Variants in ZMYM1 observed in about 807,000 individuals in gnomAD.
ZMYM1 encodes zinc finger MYM-type containing 1, also known as zinc finger MYM-type protein 1.
ZMYM1 carries 39 observed loss-of-function variants against 60.0 expected under a neutral mutation model. The observed-to-expected ratio is 0.65, with a 90% CI of 0.50 to 0.85. ZMYM1 has a LOEUF of 0.85. Ranked by LOEUF, ZMYM1 falls within the 40% of genes least tolerant of loss-of-function variation. ZMYM1 has a pLI of 0.00. For missense variants in ZMYM1, 1,171 were observed against 1,309.5 expected (o/e 0.89, Z 1.63); for synonymous variants, 413 against 454.0 (o/e 0.91, Z 1.15).
intron 1 of ZMYM1, among the ~76,000 whole-genome samples, chr1:35,073,338 A>AAAGAAAGAAAGGAAGG (rs759958889): frequency 8.6e-5 from 10 of 115,678 alleles, no homozygotes; most frequent in African/African-American, 3.5e-4. Flanking sequence ...AGAAAGAAAG[A>AAAGAAAGAAAGGAAGG]AAGGAAGGAA....
chr1:35,092,686 G>A (rs1643096593), intron 1 of ZMYM1, among the ~76,000 whole-genome samples: 1 of 151,442 alleles, frequency 6.6e-6, no homozygotes, highest in African/African-American at 2.4e-5. Context: ...GGAGTGCAAT[G>A]GCGCGATCTT....
intron 6 of ZMYM1, among the ~76,000 whole-genome samples, chr1:35,108,224 A>G (rs1643959084): frequency 6.6e-6 from 1 of 152,244 alleles, no homozygotes; most frequent in Non-Finnish European, 1.5e-5. Context: ...CTAATAAAGG[A>G]TAAAAATAGA....
chr1:35,105,869 G>A (rs1449450024), intron 6 of ZMYM1, among the ~76,000 whole-genome samples: 4 of 152,070 alleles, frequency 2.6e-5, no homozygotes, highest in African/African-American at 9.7e-5. Context: ...GGTCTCCTAA[G>A]GTGCTGGGAT....
At chr1:35,111,726 T>C in intron 7 of ZMYM1, 46 bp from the exon 8 acceptor site, 7 of 1,514,708 alleles carry the variant, frequency 4.6e-6, no homozygotes, top group Non-Finnish European at 6.2e-6. Context: ...TACTTTCTGA[T>C]GATTGATTTT....
intron 3 of ZMYM1, 143 bp from the exon 4 acceptor site, chr1:35,097,174 C>T (rs1384360181): frequency 7.8e-6 from 7 of 901,600 alleles, no homozygotes; most frequent in South Asian, 1.7e-5. Flanking sequence ...GAGCCATGAT[C>T]GTATCACTAC....
At chr1:35,091,149 G>A (rs188694354) in intron 1 of ZMYM1, among the ~76,000 whole-genome samples, 2 of 152,266 alleles carry the variant, frequency 1.3e-5, no homozygotes, top group Admixed American at 1.3e-4. Flanking sequence ...TGAGGCAAGA[G>A]GATTGCTTGA....
Position 35,113,022 on chromosome 1 carries a change from A to G in ZMYM1, c.1192A>G (p.Ser398Gly), listed in dbSNP as rs192853494. ...TGAACCCAGTAATGCTGTTGCTAGT[A>G]GTAGTACGGAACAGCCAAGCGTTTC... ...PSEPSNAVAS[S>G]STEQPSVSPS... Residue 398 changes from serine to glycine, a missense_variant, in exon 10 of 10, where the codon AGT becomes GGT. Physicochemically the swap from Ser to Gly is moderately conservative, Grantham distance 56 (BLOSUM62 0). Coordinates refer to ENST00000359858, the MANE Select transcript of ZMYM1 (RefSeq NM_024772.5). 2 of 1,611,092 alleles carry G rather than the reference A, an allele frequency of 1.2e-6. No homozygotes were observed. The highest frequency in any genetic ancestry group is 1.7e-5 in the Admixed American group (1 of 59,404).
intron 1 of ZMYM1, among the ~76,000 whole-genome samples, chr1:35,080,311 CTTCTTTTTT>C (rs1642311907): frequency 6.9e-6 from 1 of 145,928 alleles, no homozygotes; most frequent in African/African-American, 2.6e-5. Context: ...TATATTTGTG[CTTCTTTTTT>C]TTTTTTTTTT....
At position 35,097,892 on chromosome 1, in the gene ZMYM1, G is replaced by A. The variant is rs1643423562; in HGVS notation, c.419+326G>A. Among the ~76,000 whole-genome samples the A allele has an allele frequency of 3.3e-5, 5 of 152,160 alleles. No homozygotes were observed. In the South Asian group the frequency reaches 8.3e-4, roughly 25 times the overall value. Reference sequence around the variant, plus strand: ...TTGAACTCCTGACCTCAGGTGATCCGCTTGCCTTGGCCTCCCAAAGTGCTG... The same window carrying A: ...TTGAACTCCTGACCTCAGGTGATCCACTTGCCTTGGCCTCCCAAAGTGCTG... On this transcript the variant is annotated intron_variant, in intron 4 of 9. Transcript: ENST00000359858.
intron 7 of ZMYM1, among the ~76,000 whole-genome samples, chr1:35,110,873 G>GCC (rs897437640): frequency 6.6e-6 from 1 of 152,162 alleles, no homozygotes; most frequent in Non-Finnish European, 1.5e-5. Context: ...GGTGGAGGTT[G>GCC]CAGTGAGCCG....
At chr1:35,096,268 C>T (rs1456210977) in intron 3 of ZMYM1, among the ~76,000 whole-genome samples, 1 of 150,084 alleles carries the variant, frequency 6.7e-6, no homozygotes, top group Non-Finnish European at 1.5e-5. Flanking sequence ...GCCAAGATTG[C>T]ACCACTGCAC....
In ZMYM1 at chr1:35,113,750, C is replaced by T. The variant is rs199533686; in HGVS notation, c.1920C>T (p.Ser640=). The T allele has an allele frequency of 5.6e-5, 90 of 1,613,822 alleles. No homozygotes were observed. In the East Asian group the frequency reaches 1.0e-3, roughly 19 times the overall value. The change falls in exon 10 of 10, where the codon TCC becomes TCT. Residue 640 remains serine, a synonymous_variant. Transcript: ENST00000359858. ...LQDIVNEIND[S]SAFSIICDET... ...ATATTGTGAATGAGATCAATGACTC[C>T]TCAGCATTTTCAATCATATGTGATG...
At position 35,110,300 on chromosome 1, in the gene ZMYM1, G is replaced by T; in HGVS notation, c.814G>T (p.Ala272Ser). Residue 272 changes from alanine (A) to serine (S), a missense_variant, in exon 7 of 10, where the codon GCC becomes TCC. Ala to Ser is a moderately conservative substitution (Grantham distance 99, BLOSUM62 1). Transcript: ENST00000359858. The part of the protein sequence containing the change: ...KSITAYKQKP[A>S]KPLISVPCKP... ...TATTTTAATCTCTAAACAGAAACCT[G>T]CCAAACCACTTATATCTGTTCCTTG... 1 of 1,516,010 alleles carries T rather than the reference G, an allele frequency of 6.6e-7. No homozygotes were observed. Among genetic ancestry groups the T allele is most frequent in the Non-Finnish European group, 8.8e-7 (1 of 1,138,032 alleles). The allele number at this position is 1,516,010 out of a possible 1,614,324, so 93.9% of individuals were successfully genotyped here. A position where few individuals can be genotyped will look rare whatever the true frequency, so the allele number is the denominator to read the frequency against.
chr1:35,087,062 C>T (rs1642697724), intron 1 of ZMYM1, among the ~76,000 whole-genome samples: 3 of 144,174 alleles, frequency 2.1e-5, no homozygotes, highest in South Asian at 4.5e-4. Flanking sequence ...GCACGATCTC[C>T]ACTCACAGCA....
In ZMYM1 at chr1:35,115,371, C is replaced by G. The variant is rs1644234294; in HGVS notation, c.*112C>G. ...GAACGATAAACAGTGAAGTCTCCTT[C>G]CCTCCTTTAGAACTCATTTTCTCTT... is the stretch of plus-strand genomic sequence containing the variant. On this transcript the variant is annotated 3_prime_UTR_variant, in exon 10 of 10. Transcript: ENST00000359858. 1 of 1,258,024 alleles carries G rather than the reference C, an allele frequency of 7.9e-7. No homozygotes were observed. Among genetic ancestry groups the G allele is most frequent in the Non-Finnish European group, 1.1e-6 (1 of 939,148 alleles). The allele number at this position is 1,258,024 out of a possible 1,614,324, so 77.9% of individuals were successfully genotyped here.
In ZMYM1 at chr1:35,114,345, A is replaced by G; in HGVS notation, c.2515A>G (p.Asn839Asp). The G allele has an allele frequency of 6.2e-7, 1 of 1,612,138 alleles. No individual in the cohort carries two copies. The highest frequency in any genetic ancestry group is 1.7e-5 in the Admixed American group (1 of 59,710). The change falls in exon 10 of 10, where the codon AAT (asparagine) becomes GAT (aspartate). Residue 839 changes from asparagine to aspartate, a missense_variant. Asn to Asp is a conservative substitution (Grantham distance 23). Transcript: ENST00000359858. ...GGAAGTTATAGCAAGCCATTCTTCA[A>G]ATACAAGTTTCGCCGATGAATTGAG... is the stretch of plus-strand genomic sequence containing the variant. ...TLEVIASHSS[N>D]TSFADELSHL...
At chr1:35,108,699 ATTTTTTTT>A (rs771920421) in intron 6 of ZMYM1, among the ~76,000 whole-genome samples, 2 of 106,782 alleles carry the variant, frequency 1.9e-5, no homozygotes, top group East Asian at 2.9e-4. Context: ...TCCATCGGTG[ATTTTTTTT>A]TTTTTTTTTT....
Position 35,114,609 on chromosome 1 carries a change from G to A in ZMYM1, c.2779G>A (p.Gly927Ser). 1.2e-6 allele frequency: 2 copies of A among 1,609,326 alleles called. No individual in the cohort carries two copies. Among genetic ancestry groups the A allele is most frequent in the African/African-American group, 1.3e-5 (1 of 74,822 alleles). The change falls in exon 10 of 10, where the codon GGT becomes AGT. Residue 927 changes from glycine (G) to serine (S), a missense_variant. Transcript: ENST00000359858. ...EEICQKITCKGFKVEKPSLQK... is the reference protein window; with the variant it reads ...EEICQKITCKSFKVEKPSLQK... ...AATATGTCAAAAAATAACCTGTAAA[G>A]GTTTTAAAGTTGAAAAACCTTCTCT...
Position 35,104,609 on chromosome 1 carries a change from C to G in ZMYM1, c.647C>G (p.Ala216Gly). The G allele has an allele frequency of 6.2e-7, 1 of 1,614,150 alleles. No individual in the cohort carries two copies. The highest frequency in any genetic ancestry group is 8.5e-7 in the Non-Finnish European group (1 of 1,180,034). ...GTGAAACATAATCTTTGCAGTAATGCCTGCCTTTCAAAGTTTCACTCTGCT... is the reference window on the plus strand; with the variant it reads ...GTGAAACATAATCTTTGCAGTAATGGCTGCCTTTCAAAGTTTCACTCTGCT... ...QNVKHNLCSN[A>G]CLSKFHSANN... Residue 216 changes from alanine (A) to glycine (G), a missense_variant, in exon 6 of 10, where the codon GCC (alanine) becomes GGC (glycine). Transcript: ENST00000359858.
Sources: allele counts gnomAD v4.1 joint callset (sites outside exome capture counted in the v4.1 genomes callset), GRCh38; gene constraint gnomAD v4.1.1; transcripts MANE v1.5; gene names NCBI Gene and HGNC (gene_info 2026-07-23, HGNC 2026-07-21).